SVOPL: variants seen among roughly 807,000 people sequenced by gnomAD.
The protein encoded by SVOPL is SVOP like, also known as putative transporter SVOPL.
In SVOPL, 60 loss-of-function variants were observed where a neutral mutation model predicts 61.0. The observed-to-expected ratio is 0.98, with a 90% CI of 0.80 to 1.22. The LOEUF is 1.22. SVOPL is among the 50% of genes most tolerant of loss of function. SVOPL has a pLI of 0.00. For synonymous variants in SVOPL, 279 were observed against 250.0 expected (o/e 1.12, Z -1.09); for missense variants, 662 against 643.9 (o/e 1.03, Z -0.30).
chr7:138,678,218 C>T (rs909337678), intron 3 of SVOPL, among the ~76,000 whole-genome samples: 11 of 152,008 alleles, frequency 7.2e-5, no homozygotes, highest in Non-Finnish European at 1.3e-4. Context: ...TGAATTGTCC[C>T]GCCTTTCTGG....
At chr7:138,642,925 G>C (rs977096537) in intron 9 of SVOPL, among the ~76,000 whole-genome samples, 6 of 151,110 alleles carry the variant, frequency 4.0e-5, no homozygotes, top group Non-Finnish European at 5.9e-5. Flanking sequence ...AAAGTAGACT[G>C]TAACCTTTAA....
intron 13 of SVOPL, among the ~76,000 whole-genome samples, chr7:138,624,442 C>T (rs1799806142): frequency 6.6e-6 from 1 of 152,100 alleles, no homozygotes; most frequent in Non-Finnish European, 1.5e-5. Flanking sequence ...CATTTGATGC[C>T]ATCTGTAAAT....
At chr7:138,651,425 G>A (rs1801426930) in intron 7 of SVOPL, among the ~76,000 whole-genome samples, 4 of 152,152 alleles carry the variant, frequency 2.6e-5, no homozygotes, top group Admixed American at 2.6e-4. Context: ...AAATAAACAT[G>A]CACAGGCACA....
chr7:138,650,538 G>A lies in SVOPL; in HGVS notation c.535-1401C>T, dbSNP rs1801372388. ...TAGAGAAAGATTTTGGGGCCAGTGC[G>A]GTGGCTCATGCCTGTTATCCCAACA... On this transcript the variant is annotated intron_variant, in intron 7 of 15. Coordinates refer to ENST00000674285, the MANE Select transcript of SVOPL (RefSeq NM_001139456.2). Among the ~76,000 whole-genome samples the A allele has an allele frequency of 4.6e-5, 7 of 151,156 alleles. No individual in the cohort carries two copies. The South Asian group carries it at 1.3e-3, about 27-fold the overall frequency.
intron 8 of SVOPL, among the ~76,000 whole-genome samples, chr7:138,645,423 C>T (rs1245560984): frequency 6.6e-6 from 1 of 152,192 alleles, no homozygotes; most frequent in African/African-American, 2.4e-5. Flanking sequence ...GTTGGCTCTT[C>T]CTCAGAAAAG....
chr7:138,612,436 T>TAAAAAAAAAAAAAAAAAAAA (rs60800575), intron 14 of SVOPL, among the ~76,000 whole-genome samples: 1 of 17,854 alleles, frequency 5.6e-5, no homozygotes, highest in Non-Finnish European at 1.1e-4. Context: ...AAATAAAAAA[T>TAAAAAAAAAAAAAAAAAAAA]AAAAAAAAAA....
rs745952616 is a variant in SVOPL at position 138,594,631 on chromosome 7, A to G, written c.1468-10T>C. The G allele has an allele frequency of 1.9e-6, 3 of 1,594,436 alleles. No homozygotes were observed. Among genetic ancestry groups the G allele is most frequent in the Non-Finnish European group, 2.6e-6 (3 of 1,169,846 alleles). On this transcript the variant is annotated splice_polypyrimidine_tract_variant and intron_variant, in intron 15 of 15. Transcript: ENST00000674285. ...GTCTTCATTTAATTTGCTGGAAGAA[A>G]GTTATTTAATAGATCAGTAATAGAC... is the stretch of plus-strand genomic sequence containing the variant.
At chr7:138,624,568 T>C (rs1372784402) in intron 13 of SVOPL, among the ~76,000 whole-genome samples, 1 of 152,162 alleles carries the variant, frequency 6.6e-6, no homozygotes, top group Non-Finnish European at 1.5e-5. Flanking sequence ...GATAAAAGCC[T>C]TTAAAACAAA....
chr7:138,640,959 T>A (rs1800752467), intron 9 of SVOPL, among the ~76,000 whole-genome samples: 3 of 152,042 alleles, frequency 2.0e-5, no homozygotes, highest in Admixed American at 1.3e-4. Context: ...TCCCATAAAT[T>A]TGGGAGGCCA....
intron 4 of SVOPL, among the ~76,000 whole-genome samples, chr7:138,670,413 A>G (rs141197048): frequency 2.2e-4 from 33 of 152,302 alleles, no homozygotes; most frequent in Non-Finnish European, 3.4e-4. Flanking sequence ...TCACTATTGT[A>G]GAACCTAAGA....
chr7:138,605,428 G>C (rs897716404), intron 14 of SVOPL, among the ~76,000 whole-genome samples: 1 of 151,912 alleles, frequency 6.6e-6, no homozygotes, highest in African/African-American at 2.4e-5. Context: ...TTGGGAGGCC[G>C]AGGCAGATGG....
At chr7:138,613,312 G>T (rs1799139059) in intron 14 of SVOPL, among the ~76,000 whole-genome samples, 1 of 152,088 alleles carries the variant, frequency 6.6e-6, no homozygotes, top group Admixed American at 6.5e-5. Context: ...GAGCCACCGT[G>T]ACAGGCCAGA....
At position 138,600,648 on chromosome 7, in the gene SVOPL, C is replaced by T. The variant is rs575999691; in HGVS notation, c.1354-4118G>A. Among the ~76,000 whole-genome samples, 9 of 151,748 alleles carry T rather than the reference C, an allele frequency of 5.9e-5. No homozygotes were observed. In the East Asian group the frequency reaches 7.8e-4, roughly 13 times the overall value. On this transcript the variant is annotated intron_variant, in intron 14 of 15. Transcript: ENST00000674285. Reference sequence around the variant, plus strand: ...CCCTTTTGGTGATGATGAAAAGAAACGGATGCTTGTTTAACAATGTGTTTA... The same window carrying T: ...CCCTTTTGGTGATGATGAAAAGAAATGGATGCTTGTTTAACAATGTGTTTA...
chr7:138,683,560 C>T (rs1183748826), intron 1 of SVOPL, among the ~76,000 whole-genome samples: 2 of 151,826 alleles, frequency 1.3e-5, no homozygotes, highest in Non-Finnish European at 2.9e-5. Context: ...TAGAGACGTA[C>T]GTTTCTCCAT....
intron 1 of SVOPL, among the ~76,000 whole-genome samples, chr7:138,698,684 C>A (rs1306014154): frequency 6.6e-6 from 1 of 152,146 alleles, no homozygotes; most frequent in Non-Finnish European, 1.5e-5. Context: ...AACTGATAAA[C>A]TTTCTCTTAA....
chr7:138,695,825 C>G (rs1803052648), intron 1 of SVOPL, among the ~76,000 whole-genome samples: 1 of 152,022 alleles, frequency 6.6e-6, no homozygotes, highest in African/African-American at 2.4e-5. Context: ...TCTGCCTCAC[C>G]CAGGCTGGAG....
chr7:138,621,850 C>G (rs201192287), intron 13 of SVOPL, among the ~76,000 whole-genome samples: 703 of 29,604 alleles, frequency 0.024, 1 homozygote, highest in Admixed American at 0.034. Flanking sequence ...ATCTATGTAT[C>G]TATCTATCTA....
intron 7 of SVOPL, among the ~76,000 whole-genome samples, chr7:138,650,166 T>C (rs1801349891): frequency 6.6e-6 from 1 of 152,140 alleles, no homozygotes; most frequent in African/African-American, 2.4e-5. Flanking sequence ...TTCAACAAAT[T>C]GTACAAAAAT....
At chr7:138,622,125 T>TCTAA (rs1799650541) in intron 13 of SVOPL, among the ~76,000 whole-genome samples, 3 of 132,522 alleles carry the variant, frequency 2.3e-5, no homozygotes, top group Non-Finnish European at 3.3e-5. Context: ...TATCTATGTA[T>TCTAA]CTATCTATCT....
Sources: gnomAD v4.1 joint callset for allele counts (sites outside exome capture counted in the v4.1 genomes callset) on GRCh38, gnomAD v4.1.1 for gene constraint, MANE v1.5 for transcripts, NCBI Gene and HGNC (gene_info 2026-07-23, HGNC 2026-07-21) for gene names.